Variants in GRAMD1B observed in about 807,000 individuals in gnomAD.
GRAMD1B encodes the protein protein Aster-B.
In GRAMD1B, 37 loss-of-function variants were observed where a neutral mutation model predicts 99.7. The ratio of observed to expected loss-of-function variants is 0.37; its 90% CI spans 0.29 to 0.49. The LOEUF (loss-of-function observed/expected upper bound fraction) is 0.49. Ranked by LOEUF, GRAMD1B falls within the 20% of genes least tolerant of loss-of-function variation. The pLI is 0.98. For synonymous variants in GRAMD1B, 427 were observed against 387.6 expected (o/e 1.10, Z -1.19); for missense variants, 888 against 1,009.2 (o/e 0.88, Z 1.63).
intron 17 of GRAMD1B, among the ~76,000 whole-genome samples, chr11:123,616,935 T>G (rs75431905): frequency 0.022 from 3,316 of 152,142 alleles, 72 homozygotes; most frequent in African/African-American, 0.044. Context: ...AAATTCAACA[T>G]AAAAGTTTTA....
At chr11:123,419,743 G>A (rs61904751) in intron 1 of GRAMD1B, among the ~76,000 whole-genome samples, 2,562 of 142,740 alleles carry the variant, frequency 0.018, 41 homozygotes, top group African/African-American at 0.055. Flanking sequence ...GTGTGTGTGT[G>A]TGTGAATGAG....
chr11:123,446,143 G>T (rs113799113), intron 1 of GRAMD1B, among the ~76,000 whole-genome samples: 25 of 152,222 alleles, frequency 1.6e-4, no homozygotes, highest in Middle Eastern at 3.4e-3. Flanking sequence ...CTCTAGTAGG[G>T]TCTGTGAGCC....
chr11:123,597,846 G>T, intron 7 of GRAMD1B: 1 of 707,660 alleles, frequency 1.4e-6, no homozygotes. Flanking sequence ...AAACTAAGTA[G>T]CAAAAGGTCT....
At chr11:123,466,046 C>T (rs187065003) in intron 1 of GRAMD1B, among the ~76,000 whole-genome samples, 128 of 152,086 alleles carry the variant, frequency 8.4e-4, no homozygotes, top group African/African-American at 2.5e-3. Context: ...GGGGCCTACG[C>T]GGGCGGATCA....
chr11:123,572,115 C>T (rs1948166263), intron 2 of GRAMD1B, among the ~76,000 whole-genome samples: 1 of 152,122 alleles, frequency 6.6e-6, no homozygotes, highest in South Asian at 2.1e-4. Context: ...ACTGAAGAGC[C>T]AGATCCAAAG....
chr11:123,506,241 A>G (rs1168719913), intron 2 of GRAMD1B, among the ~76,000 whole-genome samples: 3 of 152,144 alleles, frequency 2.0e-5, no homozygotes, highest in Non-Finnish European at 2.9e-5. Context: ...CCACCTCCCA[A>G]GAGGCAGCTG....
chr11:123,451,887 A>G (rs1460645692), intron 1 of GRAMD1B, among the ~76,000 whole-genome samples: 2 of 152,110 alleles, frequency 1.3e-5, no homozygotes, highest in East Asian at 1.9e-4. Flanking sequence ...AGGCTGGAGT[A>G]CAGTGGCATG....
intron 2 of GRAMD1B, among the ~76,000 whole-genome samples, chr11:123,548,325 T>TATATATACACACACACACACACAC (rs1555067740): frequency 1.2e-5 from 1 of 86,842 alleles, no homozygotes; most frequent in Non-Finnish European, 2.1e-5. Context: ...TATATATATA[T>TATATATACACACACACACACACAC]ACACACACAC....
intron 2 of GRAMD1B, among the ~76,000 whole-genome samples, chr11:123,532,052 A>G (rs1943443968): frequency 6.6e-6 from 1 of 152,106 alleles, no homozygotes; most frequent in African/African-American, 2.4e-5. Flanking sequence ...ATTAATTCTT[A>G]ATGCTATTCT....
chr11:123,576,892 G>A (rs1033846522), intron 2 of GRAMD1B, among the ~76,000 whole-genome samples: 26 of 152,242 alleles, frequency 1.7e-4, no homozygotes, highest in African/African-American at 5.5e-4. Flanking sequence ...ATGCGTATGT[G>A]AAGGCTGTGA....
At chr11:123,525,299 G>A (rs945529657) in intron 2 of GRAMD1B, among the ~76,000 whole-genome samples, 5 of 152,162 alleles carry the variant, frequency 3.3e-5, no homozygotes, top group South Asian at 4.1e-4. Flanking sequence ...CCCGCCTTGC[G>A]GGGTGAGGGT....
intron 2 of GRAMD1B, among the ~76,000 whole-genome samples, chr11:123,499,348 G>A (rs747130077): frequency 7.2e-5 from 11 of 152,090 alleles, no homozygotes; most frequent in Admixed American, 2.0e-4. Flanking sequence ...AGAACTATAC[G>A]AAATAAATTT....
At chr11:123,440,222 T>C (rs1490232028) in intron 1 of GRAMD1B, among the ~76,000 whole-genome samples, 1 of 152,128 alleles carries the variant, frequency 6.6e-6, no homozygotes, top group African/African-American at 2.4e-5. Flanking sequence ...GCCATAAAAG[T>C]CAACGCGGCC....
intron 1 of GRAMD1B, among the ~76,000 whole-genome samples, chr11:123,479,299 A>G (rs1951463425): frequency 1.3e-5 from 2 of 152,220 alleles, no homozygotes; most frequent in South Asian, 4.1e-4. Flanking sequence ...GGAAGAACGG[A>G]ACATAAGAGC....
chr11:123,448,317 A>G (rs1201635952), intron 1 of GRAMD1B, among the ~76,000 whole-genome samples: 3 of 151,840 alleles, frequency 2.0e-5, no homozygotes, highest in East Asian at 1.9e-4. Flanking sequence ...CAGTGGCCCA[A>G]TCTCGGCTCA....
At chr11:123,410,214 AAAACAAAAAAACAG>A (rs1335595654) in intron 1 of GRAMD1B, among the ~76,000 whole-genome samples, 1 of 152,068 alleles carries the variant, frequency 6.6e-6, no homozygotes, top group Non-Finnish European at 1.5e-5. Context: ...AACAAAAACA[AAAACAAAAAAACAG>A]AAACAAAAAC....
intron 1 of GRAMD1B, among the ~76,000 whole-genome samples, chr11:123,360,479 T>C (rs576887303): frequency 1.3e-5 from 2 of 152,324 alleles, no homozygotes; most frequent in East Asian, 3.9e-4. Flanking sequence ...TGGGCGTCAC[T>C]GGTGTTCAAG....
intron 2 of GRAMD1B, among the ~76,000 whole-genome samples, chr11:123,576,029 G>T (rs1182908990): frequency 6.6e-6 from 1 of 151,428 alleles, no homozygotes; most frequent in Non-Finnish European, 1.5e-5. Context: ...AAAAGTTACC[G>T]CACTGCCTGC....
intron 12 of GRAMD1B, among the ~76,000 whole-genome samples, chr11:123,609,239 C>G (rs1420647218): frequency 3.3e-5 from 5 of 152,174 alleles, no homozygotes; most frequent in Admixed American, 3.3e-4. Context: ...CTTGCCTGAC[C>G]TCATGCAGCT....
Sources: allele counts gnomAD v4.1 joint callset (sites outside exome capture counted in the v4.1 genomes callset), GRCh38; gene constraint gnomAD v4.1.1; transcripts MANE v1.5; gene names NCBI Gene and HGNC (gene_info 2026-07-23, HGNC 2026-07-21).